Variants in PAFAH2 observed in about 807,000 individuals in gnomAD.
The protein encoded by PAFAH2 is platelet-activating factor acetylhydrolase 2, cytoplasmic.
Under a neutral mutation model 49.0 loss-of-function variants are expected in PAFAH2, and 42 were observed. That is an observed-to-expected ratio of 0.86 (90% confidence interval 0.67 to 1.11). The LOEUF is 1.11. PAFAH2 is among the 50% of genes least tolerant of loss of function. PAFAH2 has a pLI of 0.00. For missense variants in PAFAH2, 503 were observed against 501.8 expected, an observed-to-expected ratio of 1.00 and a Z score of -0.02; for synonymous variants, 184 against 181.3, an observed-to-expected ratio of 1.01 and a Z score of -0.12.
intron 1 of PAFAH2, among the ~76,000 whole-genome samples, chr1:25,995,157 A>T (rs989673675): frequency 2.0e-5 from 3 of 152,196 alleles, no homozygotes; most frequent in Non-Finnish European, 4.4e-5. Context: ...CTCTCCATCC[A>T]CTGAGGCCCA....
intron 1 of PAFAH2, among the ~76,000 whole-genome samples, chr1:25,991,590 G>T (rs1018670209): frequency 6.1e-4 from 90 of 147,196 alleles, no homozygotes; most frequent in African/African-American, 2.2e-3. Flanking sequence ...CCTGAGGTAG[G>T]TACTATTAAG....
In PAFAH2 at chr1:25,995,675, T is replaced by G. The variant is rs186178746; in HGVS notation, c.-48+2350A>C. On this transcript the variant is annotated intron_variant, in intron 1 of 10. Coordinates refer to ENST00000374282, the MANE Select transcript of PAFAH2 (RefSeq NM_000437.4). ...CAGAAGCATGTTCCTATCACTAGAC[T>G]TAATGTAGTGCCCTGCATATAGCTG... Among the ~76,000 whole-genome samples the G allele has an allele frequency of 7.2e-4, 110 of 152,354 alleles. 1 individual carries two copies. Among genetic ancestry groups the G allele is most frequent in the Non-Finnish European group, 1.0e-3 (70 of 68,028 alleles).
At chr1:25,969,042 C>T (rs1007835867) in intron 10 of PAFAH2, among the ~76,000 whole-genome samples, 12 of 152,334 alleles carry the variant, frequency 7.9e-5, no homozygotes, top group African/African-American at 2.6e-4. Flanking sequence ...TTAGAACTCA[C>T]CAGGGGCTCC....
intron 7 of PAFAH2, among the ~76,000 whole-genome samples, chr1:25,977,913 C>T (rs1038002766): frequency 2.6e-5 from 4 of 152,244 alleles, no homozygotes; most frequent in Admixed American, 2.0e-4. Flanking sequence ...GGATATATGT[C>T]GTGATTTTTA....
At chr1:25,977,838 C>T (rs753317608) in intron 7 of PAFAH2, among the ~76,000 whole-genome samples, 2 of 152,076 alleles carry the variant, frequency 1.3e-5, no homozygotes, top group African/African-American at 2.4e-5. Context: ...AACGGGGATG[C>T]TCCTTGCTGC....
intron 10 of PAFAH2, among the ~76,000 whole-genome samples, chr1:25,962,390 T>C (rs1027198919): frequency 1.3e-5 from 2 of 152,238 alleles, no homozygotes; most frequent in African/African-American, 2.4e-5. Context: ...CATTTAATTT[T>C]CACCATATCC....
At chr1:25,991,049 T>C (rs1569578722) in intron 1 of PAFAH2, 186 bp from the exon 2 acceptor site, 3 of 481,180 alleles carry the variant, frequency 6.2e-6, no homozygotes, top group East Asian at 7.5e-5. Flanking sequence ...TTGTTTTTTA[T>C]TTTGCTAGGG....
Position 25,976,776 on chromosome 1 carries a change from G to A in PAFAH2, c.667-3C>T, listed in dbSNP as rs947501304. On this transcript the variant is annotated splice_polypyrimidine_tract_variant and splice_region_variant and intron_variant, in intron 7 of 10. Transcript: ENST00000374282. ...ACACGGCTCATGTCAATGTTGCCCT[G>A]AGGAAAGTGGAGAACTTAGCCAAGT... 3 of 1,612,124 alleles carry A rather than the reference G, an allele frequency of 1.9e-6. No homozygotes were observed. In the African/African-American group the frequency reaches 4.0e-5, roughly 22 times the overall value.
chr1:25,962,167 C>T, intron 10 of PAFAH2, 84 bp from the exon 11 acceptor site: 1 of 1,135,332 alleles, frequency 8.8e-7, no homozygotes, highest in South Asian at 1.4e-5. Context: ...AAGGGGTCAT[C>T]CTAGAGAGAG....
chr1:25,994,890 A>C (rs2049918788), intron 1 of PAFAH2, among the ~76,000 whole-genome samples: 1 of 152,210 alleles, frequency 6.6e-6, no homozygotes, highest in Non-Finnish European at 1.5e-5. Context: ...AAATTACAGA[A>C]GCTAATTGGC....
intron 10 of PAFAH2, among the ~76,000 whole-genome samples, chr1:25,971,444 T>G (rs1401987736): frequency 7.0e-6 from 1 of 143,580 alleles, no homozygotes; most frequent in Non-Finnish European, 1.5e-5. Context: ...ACACTCTGAG[T>G]GGTTCAAGCC....
At chr1:25,985,672 C>T (rs2049771568) in intron 4 of PAFAH2, among the ~76,000 whole-genome samples, 1 of 152,238 alleles carries the variant, frequency 6.6e-6, no homozygotes, top group South Asian at 2.1e-4. Context: ...CTCTCGTCTT[C>T]ACTACTGAAT....
intron 8 of PAFAH2, 123 bp from the exon 9 acceptor site, chr1:25,974,773 G>T: frequency 1.2e-6 from 1 of 814,864 alleles, no homozygotes. Context: ...CCAGGAGGGG[G>T]GTACCAGGGC....
At chr1:25,982,506 G>GTCTCT in intron 6 of PAFAH2, 29 bp from the exon 7 acceptor site, 1 of 1,510,446 alleles carries the variant, frequency 6.6e-7, no homozygotes, top group Non-Finnish European at 9.2e-7. Flanking sequence ...CAGTGGGACT[G>GTCTCT]GAACACTCCA....
chr1:25,963,998 G>C (rs768015973), intron 10 of PAFAH2, among the ~76,000 whole-genome samples: 4 of 152,200 alleles, frequency 2.6e-5, no homozygotes, highest in Non-Finnish European at 4.4e-5. Flanking sequence ...AGTGAAGTGA[G>C]CCAAGGGAAG....
intron 4 of PAFAH2, among the ~76,000 whole-genome samples, chr1:25,984,769 GTTC>G (rs1397726114): frequency 1.3e-5 from 2 of 151,140 alleles, no homozygotes; most frequent in Non-Finnish European, 1.5e-5. Flanking sequence ...GGGAGATCAG[GTTC>G]TTAAGTTCCT....
At position 25,976,639 on chromosome 1, in the gene PAFAH2, C is replaced by T. The variant is rs145073192; in HGVS notation, c.758+43G>A. 212 of 1,332,326 alleles carry T rather than the reference C, an allele frequency of 1.6e-4. No homozygotes were observed. The African/African-American group carries it at 2.5e-3, about 16-fold the overall frequency. 82.5% of individuals were successfully genotyped at this position (1,332,326 alleles called of 1,614,324 possible). The stretch of plus-strand genomic sequence containing the variant: ...AACAAATACTTTCTAAATGAATAAA[C>T]GGTGTATGGAGCTAAGCACAGCAAC... On this transcript the variant is annotated intron_variant, in intron 8 of 10. Coordinates refer to ENST00000374282, the MANE Select transcript of PAFAH2 (RefSeq NM_000437.4).
At chr1:25,990,682 G>C in intron 2 of PAFAH2, 45 bp downstream of exon 2, 2 of 1,468,030 alleles carry the variant, frequency 1.4e-6, no homozygotes, top group Middle Eastern at 1.7e-4. Context: ...TCACGGTGCC[G>C]GCAGAAGCAG....
intron 1 of PAFAH2, among the ~76,000 whole-genome samples, chr1:25,997,144 A>C (rs1174351739): frequency 6.6e-6 from 1 of 152,216 alleles, no homozygotes; most frequent in Non-Finnish European, 1.5e-5. Flanking sequence ...ATACAGTCCA[A>C]GATAAGCACT....
Sources: allele counts gnomAD v4.1 joint callset (sites outside exome capture counted in the v4.1 genomes callset), GRCh38; gene constraint gnomAD v4.1.1; transcripts MANE v1.5; gene names NCBI Gene and HGNC (gene_info 2026-07-23, HGNC 2026-07-21).